The following COL25A1 variants were observed in gnomAD, a reference collection of about 807,000 sequenced individuals.
COL25A1 encodes the protein collagen alpha-1(XXV) chain.
In COL25A1, 103 loss-of-function variants were observed where a neutral mutation model predicts 128.4. The ratio of observed to expected loss-of-function variants is 0.80; its 90% CI spans 0.68 to 0.94. The LOEUF (loss-of-function observed/expected upper bound fraction) is 0.94, where lower values mean the gene tolerates loss of function less well. Among genes scored for constraint, COL25A1 ranks in the 40% least tolerant of loss-of-function variants. The pLI is 0.00. For synonymous variants in COL25A1, 279 were observed against 277.2 expected, an observed-to-expected ratio of 1.01 and a Z score of -0.06; for missense variants, 745 against 840.0, an observed-to-expected ratio of 0.89 and a Z score of 1.40.
chr4:108,886,442 TTGTGTGTGTGTG>T (rs375825376), intron 18 of COL25A1, among the ~76,000 whole-genome samples: 5 of 81,376 alleles, frequency 6.1e-5, no homozygotes, highest in African/African-American at 1.4e-4. Flanking sequence ...CTATGAGATT[TTGTGTGTGTGTG>T]TGTGTGTGTG....
At chr4:108,956,994 A>C (rs1045547547) in intron 8 of COL25A1, among the ~76,000 whole-genome samples, 1 of 152,194 alleles carries the variant, frequency 6.6e-6, no homozygotes, top group Admixed American at 6.5e-5. Context: ...AACAGTAAAA[A>C]AAATTTTAGA....
At chr4:109,245,110 A>G (rs1347574480) in intron 3 of COL25A1, among the ~76,000 whole-genome samples, 2 of 152,166 alleles carry the variant, frequency 1.3e-5, no homozygotes, top group Non-Finnish European at 1.5e-5. Flanking sequence ...CATATTATAT[A>G]CTTTATTATC....
At chr4:109,081,892 T>C (rs538669933) in intron 3 of COL25A1, among the ~76,000 whole-genome samples, 31 of 152,018 alleles carry the variant, frequency 2.0e-4, no homozygotes, top group Admixed American at 1.8e-3. Context: ...TTAGTAGAGA[T>C]GGGGTTTCAC....
At chr4:108,940,886 G>C (rs1748007273) in intron 9 of COL25A1, among the ~76,000 whole-genome samples, 1 of 152,184 alleles carries the variant, frequency 6.6e-6, no homozygotes, top group Non-Finnish European at 1.5e-5. Context: ...AGCACTTCCA[G>C]TTCTTGGAAA....
At chr4:109,038,090 A>T (rs1024473447) in intron 5 of COL25A1, among the ~76,000 whole-genome samples, 1 of 152,202 alleles carries the variant, frequency 6.6e-6, no homozygotes, top group Non-Finnish European at 1.5e-5. Flanking sequence ...TAGAACTTGA[A>T]GAGGTGTCTG....
At chr4:109,176,250 C>G (rs901469897) in intron 3 of COL25A1, among the ~76,000 whole-genome samples, 1 of 152,144 alleles carries the variant, frequency 6.6e-6, no homozygotes, top group African/African-American at 2.4e-5. Flanking sequence ...ATTAACCAGG[C>G]ATGGTGGTGC....
intron 3 of COL25A1, among the ~76,000 whole-genome samples, chr4:109,225,160 T>G (rs1219156347): frequency 6.6e-6 from 1 of 152,200 alleles, no homozygotes; most frequent in African/African-American, 2.4e-5. Context: ...ATCACTTCAG[T>G]AGGTATATCT....
intron 6 of COL25A1, among the ~76,000 whole-genome samples, chr4:108,985,535 T>G (rs191866190): frequency 6.6e-6 from 1 of 152,158 alleles, no homozygotes; most frequent in South Asian, 2.1e-4. Flanking sequence ...AAAATAAACA[T>G]GAGTTGAAAT....
chr4:108,996,521 T>C (rs143473652), intron 6 of COL25A1, among the ~76,000 whole-genome samples: 400 of 152,180 alleles, frequency 2.6e-3, no homozygotes, highest in African/African-American at 9.2e-3. Flanking sequence ...ACAATGATAA[T>C]GGGAGATTTT....
At chr4:109,093,466 A>AC (rs1354157350) in intron 3 of COL25A1, among the ~76,000 whole-genome samples, 2 of 150,956 alleles carry the variant, frequency 1.3e-5, no homozygotes, top group South Asian at 4.2e-4. Context: ...TGAAAAAAAA[A>AC]AAAAAAAAAA....
At position 109,280,594 on chromosome 4, in the gene COL25A1, TAG is replaced by T. The variant is rs1240451928; in HGVS notation, c.367+19987_367+19988del. Among the ~76,000 whole-genome samples, 20 of 152,296 alleles carry T rather than the reference TAG, an allele frequency of 1.3e-4. 1 individual carries two copies. In the South Asian group the frequency reaches 2.9e-3, roughly 22 times the overall value. On this transcript the variant is annotated intron_variant, in intron 3 of 37. Transcript: ENST00000399132. ...AGATGACATTAGGAAATTATTTTCT[TAG>T]GTATGATTATAGTATTGTGGTTATA... is the stretch of plus-strand genomic sequence containing the variant.
intron 3 of COL25A1, among the ~76,000 whole-genome samples, chr4:109,174,079 C>G (rs1314630754): frequency 6.6e-6 from 1 of 152,080 alleles, no homozygotes; most frequent in Non-Finnish European, 1.5e-5. Context: ...AGGTGCTAGC[C>G]CATGGAAACC....
At chr4:109,160,169 T>C (rs1356268084) in intron 3 of COL25A1, among the ~76,000 whole-genome samples, 2 of 152,200 alleles carry the variant, frequency 1.3e-5, no homozygotes, top group Non-Finnish European at 1.5e-5. Flanking sequence ...AAATTTACAT[T>C]GCTTTTTCTA....
chr4:109,064,255 GA>G (rs1762224079), intron 3 of COL25A1, among the ~76,000 whole-genome samples: 1 of 152,204 alleles, frequency 6.6e-6, no homozygotes, highest in Admixed American at 6.5e-5. Context: ...ATATGAATTA[GA>G]TCCTCTGTGG....
chr4:109,248,295 CAATA>C (rs1343665464), intron 3 of COL25A1, among the ~76,000 whole-genome samples: 3 of 152,028 alleles, frequency 2.0e-5, no homozygotes, highest in Non-Finnish European at 4.4e-5. Context: ...AACTTTTCAT[CAATA>C]AATATGCATA....
At chr4:109,071,361 C>A (rs1762959065) in intron 3 of COL25A1, among the ~76,000 whole-genome samples, 1 of 152,104 alleles carries the variant, frequency 6.6e-6, no homozygotes, top group African/African-American at 2.4e-5. Flanking sequence ...AAAACCTAGG[C>A]AATACCATTC....
chr4:108,915,395 T>TTCACCATGTTGCCCAGGTTGGTC (rs1744754773), intron 13 of COL25A1, among the ~76,000 whole-genome samples: 1 of 152,178 alleles, frequency 6.6e-6, no homozygotes, highest in Non-Finnish European at 1.5e-5. Context: ...GAGACAGGGT[T>TTCACCATGTTGCCCAGGTTGGTC]TCACCATGTT....
chr4:108,899,100 G>T, intron 15 of COL25A1, 54 bp downstream of exon 15: 1 of 1,566,484 alleles, frequency 6.4e-7, no homozygotes, highest in Non-Finnish European at 8.7e-7. Flanking sequence ...TACTTCTTTG[G>T]TATGCTGGTG....
At chr4:109,054,904 TCGC>T (rs1332300555) in intron 3 of COL25A1, among the ~76,000 whole-genome samples, 1 of 152,058 alleles carries the variant, frequency 6.6e-6, no homozygotes, top group Non-Finnish European at 1.5e-5. Context: ...CCTGAACAGG[TCGC>T]CAACAGCTGC....
Sources: allele counts gnomAD v4.1 joint callset (sites outside exome capture counted in the v4.1 genomes callset), GRCh38; gene constraint gnomAD v4.1.1; transcripts MANE v1.5; gene names NCBI Gene and HGNC (gene_info 2026-07-23, HGNC 2026-07-21).